CNTNAP2: variants seen among roughly 807,000 people sequenced by gnomAD.
CNTNAP2 encodes the protein contactin associated protein 2, also known as contactin-associated protein-like 2.
A neutral mutation model predicts 155.2 loss-of-function variants in CNTNAP2; 98 were observed. That is an observed-to-expected ratio of 0.63 (90% CI 0.54 to 0.75). The LOEUF is 0.75. CNTNAP2 is among the 30% of genes least tolerant of loss of function. The probability of loss-of-function intolerance (pLI) is 0.00; values close to 1 mark genes in which losing one functional copy is unlikely to be tolerated. For synonymous variants in CNTNAP2, 651 were observed against 631.2 expected (o/e 1.03, Z -0.47); for missense variants, 1,727 against 1,688.1 (o/e 1.02, Z -0.40).
intron 1 of CNTNAP2, among the ~76,000 whole-genome samples, chr7:146,190,756 A>G (rs1798691256): frequency 3.3e-5 from 5 of 152,210 alleles, no homozygotes; most frequent in Admixed American, 6.5e-5. Context: ...CCTCTTGCTC[A>G]CAGCACCAAT....
At chr7:146,461,430 A>G (rs1263565709) in intron 1 of CNTNAP2, among the ~76,000 whole-genome samples, 1 of 151,280 alleles carries the variant, frequency 6.6e-6, no homozygotes, top group East Asian at 1.9e-4. Flanking sequence ...AATAATAATA[A>G]TAATAATACC....
At chr7:148,072,589 A>C (rs904174708) in intron 15 of CNTNAP2, among the ~76,000 whole-genome samples, 1 of 152,244 alleles carries the variant, frequency 6.6e-6, no homozygotes, top group Admixed American at 6.5e-5. Flanking sequence ...AACAGGCAGC[A>C]GGCCATGGGC....
chr7:148,023,542 C>G (rs538538961), intron 15 of CNTNAP2, among the ~76,000 whole-genome samples: 5 of 152,204 alleles, frequency 3.3e-5, no homozygotes, highest in African/African-American at 1.2e-4. Context: ...CTGTAGGTGA[C>G]AATGCACCCA....
intron 15 of CNTNAP2, among the ~76,000 whole-genome samples, chr7:147,989,766 A>T (rs957348265): frequency 1.3e-5 from 2 of 152,082 alleles, no homozygotes; most frequent in African/African-American, 4.8e-5. Flanking sequence ...CCTTCTCATC[A>T]TGTGGATCTC....
intron 3 of CNTNAP2, among the ~76,000 whole-genome samples, chr7:146,928,411 C>G (rs1166146746): frequency 6.6e-6 from 1 of 152,162 alleles, no homozygotes; most frequent in South Asian, 2.1e-4. Context: ...TGTTCATAGG[C>G]TATTTTATTT....
chr7:147,170,358 C>T (rs1019750489), intron 8 of CNTNAP2, among the ~76,000 whole-genome samples: 1 of 152,068 alleles, frequency 6.6e-6, no homozygotes, highest in African/African-American at 2.4e-5. Context: ...GGGGTAACCC[C>T]CTCACCAGTT....
In CNTNAP2 at chr7:146,985,465, C is replaced by A. The variant is rs561644687; in HGVS notation, c.403-58442C>A. Among the ~76,000 whole-genome samples, 16 of 151,166 alleles carry A rather than the reference C, an allele frequency of 1.1e-4. No homozygotes were observed. In the South Asian group the frequency reaches 3.4e-3, roughly 32 times the overall value. On this transcript the variant is annotated intron_variant, in intron 3 of 23. Coordinates refer to ENST00000361727, the MANE Select transcript of CNTNAP2 (RefSeq NM_014141.6). ...CCCAAGTAGCTGGGACTACAGGCGC[C>A]TGCCACCATGCCCGGCTAATTTTTT...
chr7:148,266,188 C>T (rs375025039), intron 20 of CNTNAP2, among the ~76,000 whole-genome samples: 13 of 152,170 alleles, frequency 8.5e-5, no homozygotes, highest in Non-Finnish European at 1.5e-4. Flanking sequence ...GACCTTAGCA[C>T]GTATTAAACT....
At chr7:146,991,039 C>T (rs1563034734) in intron 3 of CNTNAP2, among the ~76,000 whole-genome samples, 1 of 151,996 alleles carries the variant, frequency 6.6e-6, no homozygotes, top group Non-Finnish European at 1.5e-5. Flanking sequence ...CCAGTGCCTA[C>T]TGGTTTCAGT....
At chr7:147,150,515 G>A (rs150824980) in intron 8 of CNTNAP2, among the ~76,000 whole-genome samples, 1 of 152,252 alleles carries the variant, frequency 6.6e-6, no homozygotes, top group Non-Finnish European at 1.5e-5. Flanking sequence ...CTTAGATCTT[G>A]ACTAAGTGCA....
chr7:146,422,678 G>T (rs1796029610), intron 1 of CNTNAP2, among the ~76,000 whole-genome samples: 1 of 151,948 alleles, frequency 6.6e-6, no homozygotes, highest in South Asian at 2.1e-4. Flanking sequence ...TAGAGACAAG[G>T]TCTTTCTACA....
At position 146,370,453 on chromosome 7, in the gene CNTNAP2, GA is replaced by G. The variant is rs1038961776; in HGVS notation, c.97+253490del. On this transcript the variant is annotated intron_variant, in intron 1 of 23. Transcript: ENST00000361727. ...ACTCCTTTTCAAAAAAGAGAAAAAG[GA>G]AAAAAAAAACATTTTTCCTTAATGA... Among the ~76,000 whole-genome samples, 822 of 140,772 alleles carry G rather than the reference GA, an allele frequency of 5.8e-3. 9 individuals are homozygous for G. Among genetic ancestry groups the G allele is most frequent in the African/African-American group, 0.019 (744 of 38,278 alleles). 92.4% of individuals were successfully genotyped at this position (140,772 alleles called of 152,430 possible).
intron 1 of CNTNAP2, among the ~76,000 whole-genome samples, chr7:146,482,206 GAAAAAA>G (rs749887909): frequency 7.3e-5 from 6 of 82,146 alleles, no homozygotes; most frequent in East Asian, 4.0e-4. Context: ...CTAAGAATTA[GAAAAAA>G]AAAAAAAAAA....
intron 21 of CNTNAP2, among the ~76,000 whole-genome samples, chr7:148,277,586 A>ACCCCCCCCC (rs147409823): frequency 7.1e-6 from 1 of 140,074 alleles, no homozygotes; most frequent in African/African-American, 2.6e-5. Flanking sequence ...TTAGTACAGG[A>ACCCCCCCCC]CCGCCCCCCA....
At chr7:147,460,372 A>G (rs1798001413) in intron 10 of CNTNAP2, among the ~76,000 whole-genome samples, 1 of 152,142 alleles carries the variant, frequency 6.6e-6, no homozygotes, top group Non-Finnish European at 1.5e-5. Flanking sequence ...GGTGTGTAAA[A>G]GGCATCTCTT....
chr7:148,078,122 G>A (rs1803530085), intron 15 of CNTNAP2, among the ~76,000 whole-genome samples: 1 of 151,970 alleles, frequency 6.6e-6, no homozygotes, highest in South Asian at 2.1e-4. Flanking sequence ...GGAGTGCAGT[G>A]GTGTGATCTC....
At chr7:146,953,143 G>A (rs1797356939) in intron 3 of CNTNAP2, among the ~76,000 whole-genome samples, 1 of 151,948 alleles carries the variant, frequency 6.6e-6, no homozygotes, top group African/African-American at 2.4e-5. Flanking sequence ...GATAGTCAAG[G>A]ATATTTTAGA....
At chr7:148,110,774 G>A (rs913506663) in intron 15 of CNTNAP2, among the ~76,000 whole-genome samples, 5 of 152,142 alleles carry the variant, frequency 3.3e-5, no homozygotes, top group Non-Finnish European at 5.9e-5. Flanking sequence ...GCCAGTGACT[G>A]TCCTACTCTA....
chr7:148,028,897 C>A (rs1802419086), intron 15 of CNTNAP2, among the ~76,000 whole-genome samples: 1 of 152,150 alleles, frequency 6.6e-6, no homozygotes, highest in African/African-American at 2.4e-5. Context: ...GAACACAAGT[C>A]TTCAGTTTCA....
Sources: gnomAD v4.1 joint callset for allele counts (sites outside exome capture counted in the v4.1 genomes callset) on GRCh38, gnomAD v4.1.1 for gene constraint, MANE v1.5 for transcripts, NCBI Gene and HGNC (gene_info 2026-07-23, HGNC 2026-07-21) for gene names.